The following PCDHGB6 variants were observed in gnomAD, a reference collection of about 807,000 sequenced individuals.
PCDHGB6 encodes protocadherin gamma subfamily B, 6.
In PCDHGB6, 51 loss-of-function variants were observed where a neutral mutation model predicts 59.1. The observed-to-expected ratio is 0.86, with a 90% CI of 0.69 to 1.09. The LOEUF (loss-of-function observed/expected upper bound fraction) is 1.09. PCDHGB6 is among the 50% of genes least tolerant of loss of function. The probability of loss-of-function intolerance (pLI) is 0.00; values close to 1 mark genes in which losing one functional copy is unlikely to be tolerated. For synonymous variants in PCDHGB6, 466 were observed against 495.1 expected (o/e 0.94, Z 0.78); for missense variants, 1,148 against 1,205.1 (o/e 0.95, Z 0.70).
intron 1 of PCDHGB6, chr5:141,424,630 A>G (rs1440031596): frequency 1.3e-5 from 2 of 152,366 alleles, no homozygotes; most frequent in East Asian, 3.9e-4. Flanking sequence ...TTGTGAATAT[A>G]TAAATAGATT....
intron 1 of PCDHGB6, chr5:141,430,662 C>A: frequency 8.6e-7 from 1 of 1,169,068 alleles, no homozygotes; most frequent in Non-Finnish European, 1.2e-6. Context: ...AACGGAGGAG[C>A]TCTGACTTCC....
Position 141,489,111 on chromosome 5 carries a change from C to T in PCDHGB6, c.2419-5696C>T. The T allele has an allele frequency of 1.9e-6, 1 of 518,040 alleles. No individual in the cohort carries two copies. Among genetic ancestry groups the T allele is most frequent in the African/African-American group, 1.9e-5 (1 of 51,336 alleles). The allele number at this position is 518,040 out of a possible 1,614,324, so 32.1% of individuals were successfully genotyped here. ...GTGACTAAGAACTGCTGCAAGCAGG[C>T]AAACCTCCGAGCAGTTTTTAAGAGG... On this transcript the variant is annotated intron_variant, in intron 1 of 3. Transcript: ENST00000520790. This position sits in a 1 kb window ranked among gnomAD's most constrained non-coding sequence, Gnocchi z 4.5.
Position 141,477,483 on chromosome 5 carries a change from A to G in PCDHGB6, c.2419-17324A>G. The G allele has an allele frequency of 6.2e-7, 1 of 1,614,028 alleles. No individual in the cohort carries two copies. On this transcript the variant is annotated intron_variant, in intron 1 of 3. Coordinates refer to ENST00000520790, the MANE Select transcript of PCDHGB6 (RefSeq NM_018926.3). The surrounding 1 kb of genome is among the most constrained non-coding windows in gnomAD (Gnocchi z 4.9). ...TCCGACATCAATGACAACCCTCCAC[A>G]ATCTTCTCAATCTTCCTACGACGTT...
At chr5:141,410,706 G>A in intron 1 of PCDHGB6, 86 bp downstream of exon 1, 1 of 1,454,410 alleles carries the variant, frequency 6.9e-7, no homozygotes, top group Non-Finnish European at 9.2e-7. Flanking sequence ...TTCATATCTA[G>A]AATCATATGT....
chr5:141,463,438 C>CTTTTTTTT (rs71576115), intron 1 of PCDHGB6, among the ~76,000 whole-genome samples: 3 of 103,252 alleles, frequency 2.9e-5, no homozygotes, highest in African/African-American at 8.9e-5. Context: ...TTTCCTTCTC[C>CTTTTTTTT]TTTTTTTTTT....
At position 141,489,384 on chromosome 5, in the gene PCDHGB6, T is replaced by G; in HGVS notation, c.2419-5423T>G. The G allele has an allele frequency of 6.2e-7, 1 of 1,613,986 alleles. No individual in the cohort carries two copies. The highest frequency in any genetic ancestry group is 1.3e-5 in the African/African-American group (1 of 75,042). On this transcript the variant is annotated intron_variant, in intron 1 of 3. Transcript: ENST00000520790. This position sits in a 1 kb window ranked among gnomAD's most constrained non-coding sequence, Gnocchi z 4.5. ...AGCCGGGGACGCTGGTGGGGAATGT[T>G]GCTCAGGATCTGGGCTTAAAGATGA...
At chr5:141,433,332 T>C (rs1344429296) in intron 1 of PCDHGB6, 7 of 694,580 alleles carry the variant, frequency 1.0e-5, no homozygotes, top group Non-Finnish European at 1.7e-5. Context: ...TAACAGGGAC[T>C]ACAGGTGCAA....
At position 141,422,164 on chromosome 5, in the gene PCDHGB6, T is replaced by C. The variant is rs2096630287; in HGVS notation, c.2418+11544T>C. 2 of 1,568,668 alleles carry C rather than the reference T, an allele frequency of 1.3e-6. No homozygotes were observed. Among genetic ancestry groups the C allele is most frequent in the Non-Finnish European group, 1.7e-6 (2 of 1,162,894 alleles). On this transcript the variant is annotated intron_variant, in intron 1 of 3. Coordinates refer to ENST00000520790, the MANE Select transcript of PCDHGB6 (RefSeq NM_018926.3). ...ACGGGGGTCTCTGGATTTTGAAAAA[T>C]ATAGATTCTATGAGATGGAAATTCA... is the stretch of plus-strand genomic sequence containing the variant.
chr5:141,477,171 TCA>T lies in PCDHGB6; in HGVS notation c.2419-17633_2419-17632del, dbSNP rs772104411. On this transcript the variant is annotated intron_variant, in intron 1 of 3. Transcript: ENST00000520790. This position sits in a 1 kb window ranked among gnomAD's most constrained non-coding sequence, Gnocchi z 4.9. ...GATGTGAATGACAACGCCCCGGAGA[TCA>T]CAGTCACCTCCGTGTACAGCCCAGT... 6.2e-7 allele frequency: 1 copy of T among 1,614,072 alleles called. No individual in the cohort carries two copies. Among genetic ancestry groups the T allele is most frequent in the Non-Finnish European group, 8.5e-7 (1 of 1,179,988 alleles).
chr5:141,456,047 A>G (rs1321504293), intron 1 of PCDHGB6, among the ~76,000 whole-genome samples: 3 of 151,774 alleles, frequency 2.0e-5, no homozygotes, highest in Non-Finnish European at 4.4e-5. Context: ...ACAGGCGCCC[A>G]CCACCACGTC....
chr5:141,436,487 A>G (rs2097826897), intron 1 of PCDHGB6, among the ~76,000 whole-genome samples: 2 of 152,196 alleles, frequency 1.3e-5, no homozygotes, highest in Non-Finnish European at 2.9e-5. Context: ...GAAGGATAGC[A>G]GCTTTGCAAT....
chr5:141,469,731 C>T (rs1332201791), intron 1 of PCDHGB6, among the ~76,000 whole-genome samples: 1 of 152,214 alleles, frequency 6.6e-6, no homozygotes, highest in Non-Finnish European at 1.5e-5. Context: ...ATCATAAATA[C>T]ACACCTCAAA....
Position 141,410,291 on chromosome 5 carries a change from G to A in PCDHGB6, c.2089G>A (p.Ala697Thr). Residue 697 changes from alanine to threonine, a missense_variant, in exon 1 of 4, where the codon GCC (alanine) becomes ACC (threonine). Coordinates refer to ENST00000520790, the MANE Select transcript of PCDHGB6 (RefSeq NM_018926.3). ...GCAGTTTTACCTGGTGGTGGCCTTG[G>A]CCTTAATCTCAGTGCTCTTCCTCCT... ...ELQFYLVVAL[A>T]LISVLFLLAV... The A allele has an allele frequency of 1.2e-6, 2 of 1,613,948 alleles. No individual in the cohort carries two copies. Among genetic ancestry groups the A allele is most frequent in the Non-Finnish European group, 1.7e-6 (2 of 1,179,894 alleles).
chr5:141,425,555 A>C (rs1282440598), intron 1 of PCDHGB6, among the ~76,000 whole-genome samples: 2 of 152,388 alleles, frequency 1.3e-5, no homozygotes, highest in Middle Eastern at 6.8e-3. Context: ...AACCTCTTTT[A>C]TAAGTGATAA....
intron 1 of PCDHGB6, chr5:141,427,971 C>A (rs764145525): frequency 1.3e-6 from 2 of 1,593,630 alleles, no homozygotes; most frequent in Non-Finnish European, 1.7e-6. Flanking sequence ...GGTGCTGTAC[C>A]CCGCGCTGGG....
intron 1 of PCDHGB6, chr5:141,423,426 G>A: frequency 6.2e-7 from 1 of 1,614,028 alleles, no homozygotes; most frequent in Non-Finnish European, 8.5e-7. Context: ...AAGGCGGGTT[G>A]GCAGGTATGC....
At position 141,500,368 on chromosome 5, in the gene PCDHGB6, C is replaced by T. The variant is rs181410708; in HGVS notation, c.2478-5025C>T. Among the ~76,000 whole-genome samples, 364 of 152,050 alleles carry T rather than the reference C, an allele frequency of 2.4e-3. 3 individuals carry two copies. The highest frequency in any genetic ancestry group is 9.2e-3 in the Admixed American group (140 of 15,274). ...GGACTACAGGCGCCCACTACCACGCCCGGCTAATTATTTTGTATTTTTAGT... is the reference window on the plus strand; with the variant it reads ...GGACTACAGGCGCCCACTACCACGCTCGGCTAATTATTTTGTATTTTTAGT... On this transcript the variant is annotated intron_variant, in intron 2 of 3. Transcript: ENST00000520790.
At chr5:141,497,201 G>A (rs1190666375) in intron 2 of PCDHGB6, among the ~76,000 whole-genome samples, 1 of 93,734 alleles carries the variant, frequency 1.1e-5, no homozygotes, top group African/African-American at 8.6e-5. Flanking sequence ...AGAACAATGT[G>A]AGTGTAATGG....
intron 1 of PCDHGB6, chr5:141,426,610 C>G (rs1376781969): frequency 2.6e-6 from 1 of 382,832 alleles, no homozygotes; most frequent in Non-Finnish European, 5.3e-6. Context: ...GAGATTGTAG[C>G]AGAGAATCCT....
Sources: allele counts gnomAD v4.1 joint callset (sites outside exome capture counted in the v4.1 genomes callset), GRCh38; gene constraint gnomAD v4.1.1; non-coding constraint Gnocchi (gnomAD v3.1); transcripts MANE v1.5; gene names NCBI Gene and HGNC (gene_info 2026-07-23, HGNC 2026-07-21).